Variants in PDE10A observed in about 807,000 individuals in gnomAD.
PDE10A encodes the protein cAMP and cAMP-inhibited cGMP 3',5'-cyclic phosphodiesterase 10A.
Under a neutral mutation model 97.7 loss-of-function variants are expected in PDE10A, and 39 were observed. The observed-to-expected ratio is 0.40, with a 90% CI of 0.31 to 0.52. PDE10A has a LOEUF of 0.52. Ranked by LOEUF, PDE10A falls within the 20% of genes least tolerant of loss-of-function variation. The pLI, the probability that PDE10A is intolerant of heterozygous loss-of-function variation, is 0.56. For missense variants in PDE10A, 731 were observed against 1,047.8 expected, an observed-to-expected ratio of 0.70 and a Z score of 4.17; for synonymous variants, 371 against 376.8, an observed-to-expected ratio of 0.98 and a Z score of 0.18.
intron 1 of PDE10A, among the ~76,000 whole-genome samples, chr6:165,933,571 G>A (rs1352629313): frequency 6.6e-6 from 1 of 152,102 alleles, no homozygotes; most frequent in Admixed American, 6.5e-5. Flanking sequence ...AATTCACATG[G>A]GAAGCAGAGA....
intron 1 of PDE10A, among the ~76,000 whole-genome samples, chr6:165,567,410 C>T (rs1784827878): frequency 6.6e-6 from 1 of 152,140 alleles, no homozygotes; most frequent in Admixed American, 6.5e-5. Flanking sequence ...CAAATCTATG[C>T]CTGATTTTTA....
intron 1 of PDE10A, among the ~76,000 whole-genome samples, chr6:165,874,314 G>A (rs972061980): frequency 1.3e-4 from 20 of 152,314 alleles, no homozygotes; most frequent in African/African-American, 4.6e-4. Flanking sequence ...GAGAAAAAAG[G>A]ACAGACTTTT....
chr6:165,936,881 G>A lies in PDE10A; in HGVS notation c.-615+50648C>T, dbSNP rs552991674. ...GATCATCTCCCATCAGTCCTTTCAT[G>A]GTTGAACTGAGAAAGGGCATTTGTG... On this transcript the variant is annotated intron_variant, in intron 1 of 19. Transcript: ENST00000366882. 5.9e-5 allele frequency among the ~76,000 whole-genome samples: 9 copies of A among 152,288 alleles called. No individual in the cohort carries two copies. In the South Asian group the frequency reaches 1.9e-3, roughly 32 times the overall value.
intron 1 of PDE10A, among the ~76,000 whole-genome samples, chr6:165,980,355 A>G (rs1018605445): frequency 6.6e-6 from 1 of 151,966 alleles, no homozygotes; most frequent in Non-Finnish European, 1.5e-5. Context: ...ATATACATGT[A>G]TACATGTGTT....
chr6:165,476,084 G>A (rs919628310), intron 3 of PDE10A, among the ~76,000 whole-genome samples: 5 of 151,102 alleles, frequency 3.3e-5, no homozygotes, highest in African/African-American at 1.2e-4. Flanking sequence ...TATTAATGAA[G>A]AGCAGACCTA....
At chr6:165,741,355 T>C (rs1398305428) in intron 1 of PDE10A, among the ~76,000 whole-genome samples, 1 of 152,224 alleles carries the variant, frequency 6.6e-6, no homozygotes, top group African/African-American at 2.4e-5. Flanking sequence ...TCCACTTTTA[T>C]TGGTCTTATT....
chr6:165,978,416 T>C (rs1345193749), intron 1 of PDE10A, among the ~76,000 whole-genome samples: 1 of 152,234 alleles, frequency 6.6e-6, no homozygotes, highest in African/African-American at 2.4e-5. Flanking sequence ...TGGAGAAGTC[T>C]AGCAGAAATT....
chr6:165,409,507 A>T (rs1787546455), intron 13 of PDE10A: 1 of 153,308 alleles, frequency 6.5e-6, no homozygotes, highest in African/African-American at 2.4e-5. Context: ...AGATCACGTA[A>T]TTGCGCTACA....
At chr6:165,769,372 A>G (rs1241273629) in intron 1 of PDE10A, among the ~76,000 whole-genome samples, 1 of 152,194 alleles carries the variant, frequency 6.6e-6, no homozygotes, top group Non-Finnish European at 1.5e-5. Flanking sequence ...AACAATGACA[A>G]TAACAACAGG....
chr6:165,417,135 TA>T (rs1788373498), intron 11 of PDE10A, among the ~76,000 whole-genome samples: 1 of 152,226 alleles, frequency 6.6e-6, no homozygotes, highest in African/African-American at 2.4e-5. Flanking sequence ...GCTAGAGGAC[TA>T]TCAGAAAAAC....
intron 1 of PDE10A, among the ~76,000 whole-genome samples, chr6:165,708,499 T>A (rs1791778303): frequency 6.6e-6 from 1 of 151,952 alleles, no homozygotes; most frequent in Admixed American, 6.6e-5. Flanking sequence ...CGGATATTTA[T>A]CAGGCTCCGC....
rs1233147630 is a variant in PDE10A at position 165,819,654 on chromosome 6, G to A, written c.-615+167875C>T. Among the ~76,000 whole-genome samples the A allele has an allele frequency of 3.3e-5, 5 of 152,148 alleles. No homozygotes were observed. The highest frequency in any genetic ancestry group is 1.2e-4 in the African/African-American group (5 of 41,432). ...CCCCTGGTTTCCGTGGTGTTTGACC[G>A]AAACCTTTGCCAAGGCTGTCAGTGT... On this transcript the variant is annotated intron_variant, in intron 1 of 19. Transcript: ENST00000366882. This position sits in a 1 kb window ranked among gnomAD's most constrained non-coding sequence, Gnocchi z 4.2.
chr6:165,943,172 G>GAA (rs371876255), intron 1 of PDE10A, among the ~76,000 whole-genome samples: 1 of 60,224 alleles, frequency 1.7e-5, no homozygotes, highest in African/African-American at 8.5e-5. Flanking sequence ...AAGAAAGAAA[G>GAA]AAAAAAGAAA....
intron 2 of PDE10A, among the ~76,000 whole-genome samples, chr6:165,539,538 C>T (rs1783296899): frequency 6.6e-6 from 1 of 152,170 alleles, no homozygotes; most frequent in Non-Finnish European, 1.5e-5. Flanking sequence ...AGACTGAGAA[C>T]CCTTTAACAA....
intron 1 of PDE10A, among the ~76,000 whole-genome samples, chr6:165,815,989 A>G (rs1779398955): frequency 6.6e-6 from 1 of 150,934 alleles, no homozygotes; most frequent in Non-Finnish European, 1.5e-5. Flanking sequence ...TCACTTCATC[A>G]CCCAGGCTGG....
chr6:165,375,285 A>G (rs1234822750), intron 18 of PDE10A, among the ~76,000 whole-genome samples: 16 of 152,214 alleles, frequency 1.1e-4, no homozygotes, highest in Non-Finnish European at 2.1e-4. Context: ...GAATGGAAAG[A>G]AAAAATTCTT....
chr6:165,784,282 C>T (rs1244308943), intron 1 of PDE10A, among the ~76,000 whole-genome samples: 1 of 151,914 alleles, frequency 6.6e-6, no homozygotes, highest in African/African-American at 2.4e-5. Context: ...ACTCAGTGGA[C>T]GTGTAGCATC....
chr6:165,862,244 T>A (rs1780925041), intron 1 of PDE10A, among the ~76,000 whole-genome samples: 1 of 152,256 alleles, frequency 6.6e-6, no homozygotes, highest in South Asian at 2.1e-4. Context: ...TTCCTCCAGT[T>A]ACCTTGTAAA....
intron 18 of PDE10A, among the ~76,000 whole-genome samples, chr6:165,374,154 A>G (rs1302276930): frequency 6.6e-6 from 1 of 151,080 alleles, no homozygotes; most frequent in East Asian, 2.0e-4. Context: ...TGGGTGCAGC[A>G]CACCAGCATG....
Sources: allele counts gnomAD v4.1 joint callset (sites outside exome capture counted in the v4.1 genomes callset), GRCh38; gene constraint gnomAD v4.1.1; non-coding constraint Gnocchi (gnomAD v3.1); transcripts MANE v1.5; gene names NCBI Gene and HGNC (gene_info 2026-07-23, HGNC 2026-07-21).